The following B4GALNT3 variants were observed in gnomAD, a reference collection of about 807,000 sequenced individuals.
B4GALNT3 encodes beta-1,4-N-acetyl-galactosaminyltransferase 3, also known as beta-1,4-N-acetylgalactosaminyltransferase 3.
In B4GALNT3, 86 loss-of-function variants were observed where a neutral mutation model predicts 120.2. The observed-to-expected ratio is 0.72, with a 90% CI of 0.60 to 0.86. The LOEUF (loss-of-function observed/expected upper bound fraction) is 0.86. Among genes scored for constraint, B4GALNT3 ranks in the 40% least tolerant of loss-of-function variants. The probability of loss-of-function intolerance (pLI) is 0.00; values close to 1 mark genes in which losing one functional copy is unlikely to be tolerated. For synonymous variants in B4GALNT3, 518 were observed against 510.4 expected (o/e 1.01, Z -0.20); for missense variants, 1,167 against 1,298.9 (o/e 0.90, Z 1.56).
chr12:533,679 A>G (rs951690260), intron 1 of B4GALNT3, among the ~76,000 whole-genome samples: 1 of 152,148 alleles, frequency 6.6e-6, no homozygotes, highest in Non-Finnish European at 1.5e-5. Flanking sequence ...CTCTTTCCCT[A>G]TCTGTGAAAT....
At chr12:481,104 TAGTG>T (rs1403834542) in intron 1 of B4GALNT3, among the ~76,000 whole-genome samples, 3 of 152,076 alleles carry the variant, frequency 2.0e-5, no homozygotes, top group Non-Finnish European at 4.4e-5. Flanking sequence ...AGGTGGGAGT[TAGTG>T]AGTCATGGCC....
At chr12:482,201 C>A (rs1225172563) in intron 1 of B4GALNT3, among the ~76,000 whole-genome samples, 1 of 152,192 alleles carries the variant, frequency 6.6e-6, no homozygotes, top group Non-Finnish European at 1.5e-5. Flanking sequence ...CTGCTCCAAG[C>A]ACTGAGGGCT....
intron 1 of B4GALNT3, among the ~76,000 whole-genome samples, chr12:469,006 G>GTGTATTCTGCAGTTTTTATT (rs1946110011): frequency 6.6e-6 from 1 of 152,228 alleles, no homozygotes; most frequent in Non-Finnish European, 1.5e-5. Flanking sequence ...ATTGAACGTT[G>GTGTATTCTGCAGTTTTTATT]TGTATTCTGC....
At chr12:476,203 T>C (rs980688503) in intron 1 of B4GALNT3, among the ~76,000 whole-genome samples, 1 of 152,254 alleles carries the variant, frequency 6.6e-6, no homozygotes, top group African/African-American at 2.4e-5. Flanking sequence ...TAATGGTACC[T>C]GTCTCATTGT....
intron 1 of B4GALNT3, among the ~76,000 whole-genome samples, chr12:515,202 T>A (rs1946640205): frequency 1.3e-5 from 2 of 152,132 alleles, no homozygotes; most frequent in Admixed American, 6.5e-5. Context: ...TTGTTGTTGT[T>A]TTTTGAGACA....
intron 1 of B4GALNT3, among the ~76,000 whole-genome samples, chr12:512,497 C>T: frequency 1.4e-5 from 2 of 141,634 alleles, no homozygotes; most frequent in East Asian, 2.3e-4. Context: ...CGCCTTCCAC[C>T]TTCTACCTTC....
At chr12:492,278 A>G (rs2120509867) in intron 1 of B4GALNT3, among the ~76,000 whole-genome samples, 1 of 152,352 alleles carries the variant, frequency 6.6e-6, no homozygotes, top group Admixed American at 6.5e-5. Context: ...GAAGGGTTGC[A>G]GGATACAGGG....
chr12:561,250 G>A (rs1947228174), intron 19 of B4GALNT3, 93 bp from the exon 20 acceptor site: 2 of 917,822 alleles, frequency 2.2e-6, no homozygotes, highest in Admixed American at 2.0e-5. Flanking sequence ...CCTGCCCCGT[G>A]GGGAGCGAAC....
chr12:496,985 C>T (rs1031766742), intron 1 of B4GALNT3, among the ~76,000 whole-genome samples: 2 of 152,078 alleles, frequency 1.3e-5, no homozygotes, highest in Admixed American at 1.3e-4. Flanking sequence ...AAGGGATCCT[C>T]CCACTCAGCT....
chr12:506,854 T>C (rs1946502014), intron 1 of B4GALNT3, among the ~76,000 whole-genome samples: 1 of 152,196 alleles, frequency 6.6e-6, no homozygotes, highest in Non-Finnish European at 1.5e-5. Flanking sequence ...GCCAGGATGG[T>C]CTCGATCTCC....
chr12:518,667 T>C (rs1356511255), intron 1 of B4GALNT3, among the ~76,000 whole-genome samples: 1 of 152,190 alleles, frequency 6.6e-6, no homozygotes, highest in East Asian at 1.9e-4. Context: ...CTCAGAGTAC[T>C]AGAATTACAG....
chr12:476,997 C>T (rs1305289241), intron 1 of B4GALNT3, among the ~76,000 whole-genome samples: 1 of 152,224 alleles, frequency 6.6e-6, no homozygotes, highest in East Asian at 1.9e-4. Flanking sequence ...GCAGTCACTA[C>T]AAATTGACTT....
Position 553,757 on chromosome 12 carries a change from G to A in B4GALNT3, c.1834G>A (p.Glu612Lys), listed in dbSNP as rs757624107. The change falls in exon 14 of 20, where the codon GAG (glutamate) becomes AAG (lysine). Residue 612 changes from glutamate (E) to lysine (K), a missense_variant. By Grantham distance (56) the Glu-to-Lys change is moderately conservative. This residue lies in a region of B4GALNT3 where 983 missense variants were observed against 1,102.5 expected (regional missense o/e 0.89). Coordinates refer to ENST00000266383, the MANE Select transcript of B4GALNT3 (RefSeq NM_173593.4). ...QVEGEEEGEE[E>K]EEEEDMSEVF... The stretch of plus-strand genomic sequence containing the variant: ...GGAGGGAGAGGAAGAGGGGGAAGAA[G>A]AGGAGGAGGAAGAGGATATGAGTGA... 2 of 1,614,156 alleles carry A rather than the reference G, an allele frequency of 1.2e-6. No individual in the cohort carries two copies. The highest frequency in any genetic ancestry group is 1.7e-6 in the Non-Finnish European group (2 of 1,179,984).
At chr12:497,389 C>T (rs762690258) in intron 1 of B4GALNT3, among the ~76,000 whole-genome samples, 1 of 152,136 alleles carries the variant, frequency 6.6e-6, no homozygotes, top group Non-Finnish European at 1.5e-5. Flanking sequence ...GTGAACCGCC[C>T]GCCTCGGCCT....
chr12:508,177 G>A (rs1381787510), intron 1 of B4GALNT3, among the ~76,000 whole-genome samples: 1 of 152,258 alleles, frequency 6.6e-6, no homozygotes, highest in Admixed American at 6.5e-5. Context: ...TCCCTAGGGG[G>A]ACATCCAATT....
At chr12:479,152 GTCTC>G (rs749518889) in intron 1 of B4GALNT3, among the ~76,000 whole-genome samples, 30 of 152,200 alleles carry the variant, frequency 2.0e-4, no homozygotes, top group Non-Finnish European at 4.0e-4. Context: ...ACAGCCTAGA[GTCTC>G]TCTGCAGTGA....
intron 19 of B4GALNT3, 31 bp from the exon 20 acceptor site, chr12:561,312 T>C (rs1328864781): frequency 1.3e-6 from 2 of 1,572,504 alleles, no homozygotes; most frequent in Non-Finnish European, 8.7e-7. Context: ...TCTGTGCTTC[T>C]GTTGGCTCAT....
chr12:552,218 C>G, intron 12 of B4GALNT3, 55 bp downstream of exon 12: 2 of 1,474,804 alleles, frequency 1.4e-6, no homozygotes, highest in Non-Finnish European at 1.9e-6. Flanking sequence ...TCTGCGGGAG[C>G]CAGGAGAGCT....
intron 2 of B4GALNT3, among the ~76,000 whole-genome samples, chr12:535,688 G>A (rs769721053): frequency 2.6e-4 from 40 of 151,726 alleles, no homozygotes; most frequent in Non-Finnish European, 5.3e-4. Context: ...CCGTAGCTGG[G>A]AGTACAGACT....
Sources: gnomAD v4.1 joint callset for allele counts (sites outside exome capture counted in the v4.1 genomes callset) on GRCh38, gnomAD v4.1.1 for gene constraint, gnomAD v4.1.1 regional missense constraint, MANE v1.5 for transcripts, NCBI Gene and HGNC (gene_info 2026-07-23, HGNC 2026-07-21) for gene names.